Variants in RERE observed in about 807,000 individuals in gnomAD.
RERE encodes arginine-glutamic acid dipeptide repeats.
A neutral mutation model predicts 146.1 loss-of-function variants in RERE; 40 were observed. The observed-to-expected ratio is 0.27, with a 90% CI of 0.21 to 0.36. The LOEUF (loss-of-function observed/expected upper bound fraction) is 0.36. Ranked by LOEUF, RERE falls within the 10% of genes least tolerant of loss-of-function variation. The pLI is 1.00. For missense variants in RERE, 1,933 were observed against 2,138.7 expected (o/e 0.90, Z 1.90); for synonymous variants, 1,003 against 866.0 (o/e 1.16, Z -2.78).
intron 11 of RERE, among the ~76,000 whole-genome samples, chr1:8,458,211 A>G (rs1202730382): frequency 6.6e-6 from 1 of 152,126 alleles, no homozygotes; most frequent in East Asian, 1.9e-4. Context: ...AACAAATGCA[A>G]TCTCTCAAGT....
chr1:8,436,236 T>C (rs955892528), intron 11 of RERE, among the ~76,000 whole-genome samples: 1 of 152,172 alleles, frequency 6.6e-6, no homozygotes, highest in African/African-American at 2.4e-5. Flanking sequence ...GGAGAATTGC[T>C]TGAACCCGGG....
chr1:8,466,018 A>G lies in RERE; in HGVS notation c.1110T>C (p.His370=). The G allele has an allele frequency of 1.9e-6, 3 of 1,608,502 alleles. No homozygotes were observed. Among genetic ancestry groups the G allele is most frequent in the Non-Finnish European group, 2.6e-6 (3 of 1,175,558 alleles). The change falls in exon 11 of 23, where the codon CAT becomes CAC. Residue 370 remains histidine (H), a synonymous_variant. Transcript: ENST00000400908. ...DTTLNALNTL[H]ESGYDAGKAL... is the part of the protein sequence containing the mutation. ...CTTTGCCAGCATCGTAACCGCTTTC[A>G]TGCAGCTAAAACAACAACAATTATA...
At chr1:8,751,918 G>A (rs944472030) in intron 1 of RERE, among the ~76,000 whole-genome samples, 1 of 149,532 alleles carries the variant, frequency 6.7e-6, no homozygotes, top group Non-Finnish European at 1.5e-5. Flanking sequence ...ACTGTAGTAC[G>A]GGAACTGTCC....
chr1:8,393,297 T>C (rs1043882062), intron 12 of RERE, among the ~76,000 whole-genome samples: 1 of 152,220 alleles, frequency 6.6e-6, no homozygotes, highest in African/African-American at 2.4e-5. Context: ...TCCGCCTCCA[T>C]CAAGGGTAAT....
intron 11 of RERE, among the ~76,000 whole-genome samples, chr1:8,445,625 CAGA>C (rs1644306196): frequency 6.6e-6 from 1 of 152,060 alleles, no homozygotes; most frequent in African/African-American, 2.4e-5. Context: ...GAACCAACTG[CAGA>C]AGAAGACAGA....
At chr1:8,480,717 C>T (rs1374955559) in intron 10 of RERE, among the ~76,000 whole-genome samples, 7 of 152,032 alleles carry the variant, frequency 4.6e-5, no homozygotes, top group Non-Finnish European at 7.4e-5. Context: ...ATTACAGGCA[C>T]GAGCCACCGC....
rs145347560 is a variant in RERE, at chr1:8,785,788, A to G, written c.-145+31372T>C. 8.6e-3 allele frequency among the ~76,000 whole-genome samples: 1,306 copies of G among 152,092 alleles called. 11 individuals carry two copies. Among genetic ancestry groups the G allele is most frequent in the African/African-American group, 0.029 (1,193 of 41,492 alleles). On this transcript the variant is annotated intron_variant, in intron 1 of 22. Coordinates refer to ENST00000400908, the MANE Select transcript of RERE (RefSeq NM_001042681.2). ...AGGTGCCAACCACCACGCCCAGCTA[A>G]TTTTTGTATTTTTAGTAGCAATGGG...
chr1:8,629,533 G>A (rs1244837127), intron 2 of RERE, among the ~76,000 whole-genome samples: 1 of 152,146 alleles, frequency 6.6e-6, no homozygotes, highest in Non-Finnish European at 1.5e-5. Flanking sequence ...CAGCAAATCA[G>A]CAGGTTTATG....
intron 1 of RERE, among the ~76,000 whole-genome samples, chr1:8,682,502 T>C (rs959858765): frequency 6.6e-6 from 1 of 152,176 alleles, no homozygotes; most frequent in Non-Finnish European, 1.5e-5. Flanking sequence ...TCCAGTTCAG[T>C]TTTACCCACC....
chr1:8,687,228 G>A (rs1268651490), intron 1 of RERE, among the ~76,000 whole-genome samples: 1 of 152,050 alleles, frequency 6.6e-6, no homozygotes, highest in East Asian at 1.9e-4. Flanking sequence ...GAGAGGGCAC[G>A]GGTGGCGCCT....
chr1:8,641,417 T>C (rs574446927), intron 2 of RERE, among the ~76,000 whole-genome samples: 1 of 152,306 alleles, frequency 6.6e-6, no homozygotes, highest in Admixed American at 6.5e-5. Flanking sequence ...TCTCCAGAGC[T>C]TAGGAGTTCA....
intron 1 of RERE, among the ~76,000 whole-genome samples, chr1:8,746,088 TCTTA>T (rs1640415075): frequency 6.6e-6 from 1 of 152,182 alleles, no homozygotes; most frequent in Non-Finnish European, 1.5e-5. Flanking sequence ...ATAAAATTCC[TCTTA>T]CTTTTGAAAG....
intron 1 of RERE, among the ~76,000 whole-genome samples, chr1:8,815,256 T>C (rs1038325517): frequency 1.3e-5 from 2 of 152,210 alleles, no homozygotes; most frequent in Non-Finnish European, 2.9e-5. Context: ...GACAGCTCAA[T>C]TGCCAGCAAA....
chr1:8,369,499 G>A (rs748246159), intron 12 of RERE, among the ~76,000 whole-genome samples: 14 of 90,716 alleles, frequency 1.5e-4, no homozygotes, highest in Non-Finnish European at 2.2e-4. Context: ...TAAATCTTTC[G>A]CCTTTTACTA....
At chr1:8,607,884 C>G (rs1025552931) in intron 4 of RERE, among the ~76,000 whole-genome samples, 2 of 152,092 alleles carry the variant, frequency 1.3e-5, no homozygotes, top group Non-Finnish European at 2.9e-5. Flanking sequence ...CGCCACCACG[C>G]CTGGCTAATT....
At position 8,390,957 on chromosome 1, in the gene RERE, A is replaced by C. The variant is rs371418919; in HGVS notation, c.1285-24983T>G. ...CTCAAAAAAACAAAACAAAACAAAA[A>C]AAACTTTACTTCTCTCTGCCTCAAC... On this transcript the variant is annotated intron_variant, in intron 12 of 22. Coordinates refer to ENST00000400908, the MANE Select transcript of RERE (RefSeq NM_001042681.2). Among the ~76,000 whole-genome samples, 304 of 151,966 alleles carry C rather than the reference A, an allele frequency of 2.0e-3. 1 individual carries two copies. The highest frequency in any genetic ancestry group is 3.8e-3 in the Non-Finnish European group (258 of 67,976).
At position 8,626,115 on chromosome 1, in the gene RERE, C is replaced by G. The variant is rs188795344; in HGVS notation, c.326-1735G>C. On this transcript the variant is annotated intron_variant, in intron 2 of 22. Transcript: ENST00000400908. ...TTAACATGCTAATCATCTTAAGGGA[C>G]AAGCAAGAGAATTCTTCCCACCACA... Among the ~76,000 whole-genome samples the G allele has an allele frequency of 2.6e-3, 392 of 152,298 alleles. 2 individuals are homozygous for G. The highest frequency in any genetic ancestry group is 3.3e-3 in the Admixed American group (51 of 15,302).
In RERE at chr1:8,630,954, C is replaced by T. The variant is rs912844278; in HGVS notation, c.326-6574G>A. Among the ~76,000 whole-genome samples the T allele has an allele frequency of 4.6e-5, 7 of 152,196 alleles. No homozygotes were observed. In the East Asian group the frequency reaches 1.2e-3, roughly 25 times the overall value. The stretch of plus-strand genomic sequence containing the variant: ...TTTTTTAAACATAATAATTACATTC[C>T]ATGTATTGAAATGTCTATAGATTCC... On this transcript the variant is annotated intron_variant, in intron 2 of 22. Coordinates refer to ENST00000400908, the MANE Select transcript of RERE (RefSeq NM_001042681.2).
intron 1 of RERE, among the ~76,000 whole-genome samples, chr1:8,694,976 G>C (rs933038615): frequency 1.5e-5 from 2 of 136,858 alleles, no homozygotes; most frequent in Non-Finnish European, 3.2e-5. Context: ...AATCCTAAGG[G>C]GGGGGGGGGA....
Sources: gnomAD v4.1 joint callset for allele counts (sites outside exome capture counted in the v4.1 genomes callset) on GRCh38, gnomAD v4.1.1 for gene constraint, MANE v1.5 for transcripts, NCBI Gene and HGNC (gene_info 2026-07-23, HGNC 2026-07-21) for gene names.